Variants in STK38L observed in about 807,000 individuals in gnomAD.
STK38L encodes serine/threonine-protein kinase 38-like.
STK38L carries 28 observed loss-of-function variants against 59.7 expected under a neutral mutation model. That is an observed-to-expected ratio of 0.47 (90% confidence interval 0.35 to 0.64). The LOEUF (loss-of-function observed/expected upper bound fraction) is 0.64. Ranked by LOEUF, STK38L falls within the 30% of genes least tolerant of loss-of-function variation. The pLI, the probability that STK38L is intolerant of heterozygous loss-of-function variation, is 0.01. For synonymous variants in STK38L, 162 were observed against 176.8 expected (o/e 0.92, Z 0.66); for missense variants, 314 against 555.8 (o/e 0.56, Z 4.37).
At chr12:27,273,997 G>A (rs1039103767) in intron 1 of STK38L, among the ~76,000 whole-genome samples, 23 of 152,172 alleles carry the variant, frequency 1.5e-4, no homozygotes, top group African/African-American at 5.3e-4. Flanking sequence ...GTTCACGCCT[G>A]TAATCCCAGC....
intron 3 of STK38L, among the ~76,000 whole-genome samples, chr12:27,306,335 C>T (rs919836284): frequency 6.6e-6 from 1 of 150,656 alleles, no homozygotes; most frequent in Non-Finnish European, 1.5e-5. Flanking sequence ...TTTCAAAATT[C>T]TTATTCTTTT....
At chr12:27,319,156 A>G (rs1944663229) in intron 11 of STK38L, among the ~76,000 whole-genome samples, 172 bp from the exon 12 acceptor site, 1 of 152,240 alleles carries the variant, frequency 6.6e-6, no homozygotes, top group Non-Finnish European at 1.5e-5. Flanking sequence ...ATCTCTAAAC[A>G]GTGCGCTTAC....
intron 1 of STK38L, among the ~76,000 whole-genome samples, chr12:27,249,832 G>A (rs970325368): frequency 9.2e-5 from 14 of 152,092 alleles, no homozygotes; most frequent in African/African-American, 2.9e-4. Flanking sequence ...CTCTGATCCC[G>A]TATGCACAGA....
At chr12:27,289,446 A>G (rs907903080) in intron 1 of STK38L, among the ~76,000 whole-genome samples, 10 of 152,240 alleles carry the variant, frequency 6.6e-5, no homozygotes, top group Non-Finnish European at 1.2e-4. Context: ...CTACAGCCAA[A>G]TAAGCTTTCA....
intron 1 of STK38L, among the ~76,000 whole-genome samples, chr12:27,280,233 C>T (rs1216837561): frequency 6.6e-6 from 1 of 152,036 alleles, no homozygotes. Context: ...TTTCTTGAGG[C>T]GGATAAGCAG....
At chr12:27,261,462 C>T (rs1004706183) in intron 1 of STK38L, among the ~76,000 whole-genome samples, 9 of 152,222 alleles carry the variant, frequency 5.9e-5, no homozygotes, top group Non-Finnish European at 1.3e-4. Context: ...TGGGTTTCCA[C>T]AGACCTGAGA....
intron 1 of STK38L, among the ~76,000 whole-genome samples, chr12:27,260,268 A>T (rs186984403): frequency 2.0e-5 from 3 of 152,228 alleles, no homozygotes; most frequent in Non-Finnish European, 1.5e-5. Flanking sequence ...TTCCCTTGTT[A>T]TTCTTTTAAA....
chr12:27,317,642 G>A (rs1944618232), intron 10 of STK38L, 189 bp downstream of exon 10: 1 of 701,964 alleles, frequency 1.4e-6, no homozygotes, highest in East Asian at 2.7e-5. Context: ...CAGGAAGGTG[G>A]GTATTTAACC....
chr12:27,309,703 C>T (rs571386124), intron 5 of STK38L, among the ~76,000 whole-genome samples: 1 of 152,298 alleles, frequency 6.6e-6, no homozygotes, highest in East Asian at 1.9e-4. Context: ...AATACAGCCT[C>T]ATTGGAGATT....
At chr12:27,302,211 C>T in intron 3 of STK38L, 23 bp downstream of exon 3, 1 of 1,572,608 alleles carries the variant, frequency 6.4e-7, no homozygotes, top group Non-Finnish European at 8.6e-7. Flanking sequence ...CCTATAATTA[C>T]TGTACAAAAG....
At chr12:27,288,476 A>C (rs2136631827) in intron 1 of STK38L, among the ~76,000 whole-genome samples, 1 of 152,136 alleles carries the variant, frequency 6.6e-6, no homozygotes, top group East Asian at 1.9e-4. Flanking sequence ...GGAAGGATAG[A>C]TCCTTCTGGG....
chr12:27,320,146 C>T (rs1944689425), intron 12 of STK38L, among the ~76,000 whole-genome samples: 1 of 152,248 alleles, frequency 6.6e-6, no homozygotes, highest in Admixed American at 6.5e-5. Context: ...CCTCTCCCTG[C>T]TGCCTCTACC....
chr12:27,264,836 T>C (rs1226458807), intron 1 of STK38L, among the ~76,000 whole-genome samples: 1 of 152,204 alleles, frequency 6.6e-6, no homozygotes, highest in Non-Finnish European at 1.5e-5. Flanking sequence ...GATGACTGTA[T>C]GAGTTATCTG....
At chr12:27,321,394 T>G (rs1207082612) in intron 12 of STK38L, among the ~76,000 whole-genome samples, 1 of 152,190 alleles carries the variant, frequency 6.6e-6, no homozygotes, top group African/African-American at 2.4e-5. Flanking sequence ...TGACAGAAGT[T>G]TTTGCATGCA....
intron 11 of STK38L, 88 bp downstream of exon 11, chr12:27,318,107 G>A: frequency 6.7e-7 from 1 of 1,498,822 alleles, no homozygotes. Flanking sequence ...TGGGGGAAGA[G>A]GGGATACCAC....
intron 1 of STK38L, among the ~76,000 whole-genome samples, chr12:27,280,251 C>T (rs1011810909): frequency 6.6e-6 from 1 of 152,082 alleles, no homozygotes; most frequent in African/African-American, 2.4e-5. Context: ...CAGTTCTTCC[C>T]TTAGCAAAAT....
At chr12:27,301,518 C>A (rs577802092) in intron 2 of STK38L, among the ~76,000 whole-genome samples, 2 of 152,302 alleles carry the variant, frequency 1.3e-5, no homozygotes, top group African/African-American at 4.8e-5. Context: ...CCTCGGCCTC[C>A]CAAAGTGCTA....
intron 1 of STK38L, among the ~76,000 whole-genome samples, chr12:27,249,395 A>G (rs1022693754): frequency 2.0e-5 from 3 of 152,114 alleles, no homozygotes; most frequent in African/African-American, 4.8e-5. Context: ...CTGGAGCGCA[A>G]TGCATGATTT....
In STK38L at chr12:27,263,898, A is replaced by G. The variant is rs148607699; in HGVS notation, c.-12+19566A>G. ...AAGACATGTTCTGAAAACGTGAAAC[A>G]TAAATGAGGCTGAAGAAATTGTGAA... On this transcript the variant is annotated intron_variant, in intron 1 of 13. Transcript: ENST00000389032. Among the ~76,000 whole-genome samples the G allele has an allele frequency of 3.8e-4, 58 of 152,366 alleles. 1 individual carries two copies. The highest frequency in any genetic ancestry group is 1.1e-3 in the African/African-American group (46 of 41,594).
Sources: allele counts gnomAD v4.1 joint callset (sites outside exome capture counted in the v4.1 genomes callset), GRCh38; gene constraint gnomAD v4.1.1; transcripts MANE v1.5; gene names NCBI Gene and HGNC (gene_info 2026-07-23, HGNC 2026-07-21).